The following CCL24 variants were observed in gnomAD, a reference collection of about 807,000 sequenced individuals.
The protein encoded by CCL24 is C-C motif chemokine ligand 24.
CCL24 carries 6 observed loss-of-function variants against 8.6 expected under a neutral mutation model. The ratio of observed to expected loss-of-function variants is 0.70; its 90% confidence interval spans 0.38 to 1.38. The LOEUF is 1.38. Ranked by LOEUF, CCL24 falls within the 40% of genes most tolerant of loss-of-function variation. The pLI, the probability that CCL24 is intolerant of heterozygous loss-of-function variation, is 0.02. For synonymous variants in CCL24, 59 were observed against 52.7 expected, an observed-to-expected ratio of 1.12 and a Z score of -0.52; for missense variants, 126 against 147.1, an observed-to-expected ratio of 0.86 and a Z score of 0.74.
rs1200611114 is a variant in CCL24, at chr7:75,811,481, A to AC, written c.*314_*315insG. Among the ~76,000 whole-genome samples the AC allele has an allele frequency of 7.0e-6, 1 of 143,794 alleles. No individual in the cohort carries two copies. The highest frequency in any genetic ancestry group is 1.5e-5 in the Non-Finnish European group (1 of 65,300). 94.3% of individuals were successfully genotyped at this position (143,794 alleles called of 152,430 possible). A position where few individuals can be genotyped will look rare whatever the true frequency, so the allele number is the denominator to read the frequency against. ...GTGACAGAGCGAGACTCCGTCTCAG[A>AC]AAAAAAAAAAAAAGAAAAAGCATCA... On this transcript the variant is annotated 3_prime_UTR_variant, in exon 3 of 3. Transcript: ENST00000222902.
chr7:75,814,288 G>A (rs1462519232), upstream of CCL24, among the ~76,000 whole-genome samples: 1 of 152,138 alleles, frequency 6.6e-6, no homozygotes, highest in Non-Finnish European at 1.5e-5. Flanking sequence ...GAGGTCAGCT[G>A]GGCACGGGGG....
chr7:75,822,281 T>C (rs1804067459), intron 1 of CCL24, among the ~76,000 whole-genome samples: 5 of 152,096 alleles, frequency 3.3e-5, no homozygotes, highest in Admixed American at 3.3e-4. Flanking sequence ...ACTCCTGGGT[T>C]TGAGCCTCGT....
upstream of CCL24, among the ~76,000 whole-genome samples, chr7:75,818,775 T>A (rs1803949973): frequency 1.3e-5 from 2 of 151,990 alleles, no homozygotes; most frequent in South Asian, 2.1e-4. Flanking sequence ...ACAGACCCTG[T>A]CCCTCTCTTG....
At chr7:75,817,521 T>TG (rs1803918604), upstream of CCL24, among the ~76,000 whole-genome samples, 1 of 150,534 alleles carries the variant, frequency 6.6e-6, no homozygotes, top group Admixed American at 6.6e-5. Context: ...TTTTTTTTTT[T>TG]GAGAAGAGTT....
intron 1 of CCL24, among the ~76,000 whole-genome samples, chr7:75,819,660 G>A (rs1469185849): frequency 3.3e-5 from 5 of 151,782 alleles, no homozygotes; most frequent in African/African-American, 1.2e-4. Flanking sequence ...AATACCTGAG[G>A]AAGGGTCCCA....
upstream of CCL24, among the ~76,000 whole-genome samples, chr7:75,816,415 G>T (rs1803891820): frequency 6.6e-6 from 1 of 152,082 alleles, no homozygotes; most frequent in African/African-American, 2.4e-5. Flanking sequence ...CATTAGCCTG[G>T]CACCTGCCCC....
intron 1 of CCL24, among the ~76,000 whole-genome samples, chr7:75,819,823 G>A (rs530068206): frequency 3.3e-5 from 5 of 151,938 alleles, no homozygotes; most frequent in Admixed American, 6.6e-5. Flanking sequence ...CAGCTATGGT[G>A]TAGTGACATA....
At chr7:75,814,520 C>G (rs1554533861), upstream of CCL24, among the ~76,000 whole-genome samples, 1 of 152,098 alleles carries the variant, frequency 6.6e-6, no homozygotes, top group African/African-American at 2.4e-5. Flanking sequence ...GAGCTGTGAT[C>G]ACACCACTGC....
intron 1 of CCL24, among the ~76,000 whole-genome samples, chr7:75,820,098 T>TTCC (rs1563353946): frequency 1.7e-3 from 199 of 118,534 alleles, no homozygotes; most frequent in African/African-American, 5.2e-3. Context: ...CCTCTTCTTC[T>TTCC]TCTTCTTCCT....
rs558869841 is a variant in CCL24 at position 75,811,870 on chromosome 7, C to G, written c.286G>C (p.Ala96Pro). ...MKNLDAKQKK[A>P]SPRARAVAVK... is the part of the protein sequence containing the mutation. ...GCCACTGCCCTGGCCCTAGGGGAAG[C>G]CTTCTTCTGCTTGGCGTCCAGGTTC... The change falls in exon 3 of 3, where the codon GCT (alanine) becomes CCT (proline). Residue 96 changes from alanine (A) to proline (P), a missense_variant. Ala to Pro is a conservative substitution (Grantham distance 27, BLOSUM62 -1). Transcript: ENST00000222902. 5 of 1,612,352 alleles carry G rather than the reference C, an allele frequency of 3.1e-6. No individual in the cohort carries two copies. The South Asian group carries it at 3.3e-5, about 11-fold the overall frequency.
In CCL24 at chr7:75,811,018, G is replaced by C. The variant is rs1458291179; in HGVS notation, c.*778C>G. 6.6e-6 allele frequency among the ~76,000 whole-genome samples: 1 copy of C among 151,686 alleles called. No individual in the cohort carries two copies. Among genetic ancestry groups the C allele is most frequent in the Non-Finnish European group, 1.5e-5 (1 of 67,938 alleles). On this transcript the variant is annotated 3_prime_UTR_variant, in exon 3 of 3. Transcript: ENST00000222902. Reference sequence around the variant, plus strand: ...GAGCCCAGATTTGAAGGCAGTACAGGCCCTTGTCCCCAAGACAGCATGGAG... The same window carrying C: ...GAGCCCAGATTTGAAGGCAGTACAGCCCCTTGTCCCCAAGACAGCATGGAG...
chr7:75,822,543 T>C (rs1804071481), intron 1 of CCL24, among the ~76,000 whole-genome samples: 1 of 152,126 alleles, frequency 6.6e-6, no homozygotes, highest in African/African-American at 2.4e-5. Flanking sequence ...GTAAGGAAAC[T>C]GAGGTTCAGG....
chr7:75,814,709 A>G (rs1248933201), upstream of CCL24, among the ~76,000 whole-genome samples: 1 of 152,002 alleles, frequency 6.6e-6, no homozygotes, highest in Non-Finnish European at 1.5e-5. Context: ...AAGTTGCCGG[A>G]GCCACTTAGT....
chr7:75,814,203 G>A (rs1803837095), upstream of CCL24, among the ~76,000 whole-genome samples: 1 of 152,130 alleles, frequency 6.6e-6, no homozygotes, highest in Admixed American at 6.6e-5. Context: ...TATTAGGCAT[G>A]TGGTCTGTGC....
In CCL24 at chr7:75,811,731, C is replaced by T. The variant is rs1585026988; in HGVS notation, c.*65G>A. On this transcript the variant is annotated 3_prime_UTR_variant, in exon 3 of 3. Coordinates refer to ENST00000222902, the MANE Select transcript of CCL24 (RefSeq NM_002991.3). ...TCTTCCCCCCATCACTGTGGCTTCT[C>T]CAGGCCCCGAGTAGCCCGCCAAGCA... 6.8e-7 allele frequency: 1 copy of T among 1,467,146 alleles called. No homozygotes were observed. Among genetic ancestry groups the T allele is most frequent in the Non-Finnish European group, 9.3e-7 (1 of 1,079,278 alleles). The allele number at this position is 1,467,146 out of a possible 1,614,324, so 90.9% of individuals were successfully genotyped here.
intron 1 of CCL24, among the ~76,000 whole-genome samples, chr7:75,820,018 A>ACATCTTCTTCTT (rs1230617445): frequency 9.5e-6 from 1 of 104,816 alleles, no homozygotes; most frequent in East Asian, 3.2e-4. Context: ...TTAGTAAACT[A>ACATCTTCTTCTT]CTTCTTCTTC....
intron 1 of CCL24, among the ~76,000 whole-genome samples, chr7:75,820,409 G>A (rs782697701): frequency 1.3e-5 from 2 of 152,048 alleles, no homozygotes; most frequent in Non-Finnish European, 2.9e-5. Context: ...TCGAACTCCT[G>A]GCCTCAGGTG....
chr7:75,819,543 G>T (rs1203882710), intron 1 of CCL24, among the ~76,000 whole-genome samples: 4 of 150,408 alleles, frequency 2.7e-5, no homozygotes, highest in African/African-American at 9.8e-5. Context: ...CAGGAGGATC[G>T]CTTGAACCCA....
chr7:75,817,691 T>C (rs13230103), upstream of CCL24, among the ~76,000 whole-genome samples: 7,273 of 151,112 alleles, frequency 0.048, 250 homozygotes, highest in Non-Finnish European at 0.074. Flanking sequence ...TTAGTAAAGA[T>C]GGGATTTCAC....
Sources: gnomAD v4.1 joint callset for allele counts (sites outside exome capture counted in the v4.1 genomes callset) on GRCh38, gnomAD v4.1.1 for gene constraint, MANE v1.5 for transcripts, NCBI Gene and HGNC (gene_info 2026-07-23, HGNC 2026-07-21) for gene names.